Variants in RNF38 observed in about 807,000 individuals in gnomAD.
The protein encoded by RNF38 is ring finger protein 38.
RNF38 carries 15 observed loss-of-function variants against 67.2 expected under a neutral mutation model. That is an observed-to-expected ratio of 0.22 (90% CI 0.15 to 0.34). The LOEUF is 0.34. Ranked by LOEUF, RNF38 falls within the 10% of genes least tolerant of loss-of-function variation. The probability of loss-of-function intolerance (pLI) is 1.00; values close to 1 mark genes in which losing one functional copy is unlikely to be tolerated. For missense variants in RNF38, 524 were observed against 639.9 expected (o/e 0.82, Z 1.95); for synonymous variants, 220 against 218.8 (o/e 1.01, Z -0.05).
chr9:36,453,688 C>T (rs1191838704), intron 1 of RNF38, among the ~76,000 whole-genome samples: 1 of 152,006 alleles, frequency 6.6e-6, no homozygotes, highest in African/African-American at 2.4e-5. Flanking sequence ...CGCCACTGAG[C>T]TAAGTTTTAA....
chr9:36,426,505 T>G (rs1206757010), intron 1 of RNF38, among the ~76,000 whole-genome samples: 2 of 152,214 alleles, frequency 1.3e-5, no homozygotes, highest in East Asian at 3.8e-4. Context: ...ATCCATTCCT[T>G]TCTATGGCTA....
intron 2 of RNF38, among the ~76,000 whole-genome samples, chr9:36,381,531 C>T (rs1836212983): frequency 6.6e-6 from 1 of 152,170 alleles, no homozygotes; most frequent in Non-Finnish European, 1.5e-5. Context: ...AAGGCCAAGC[C>T]AGACAAGGGT....
chr9:36,450,474 T>C (rs1466269134), intron 1 of RNF38, among the ~76,000 whole-genome samples: 1 of 152,162 alleles, frequency 6.6e-6, no homozygotes, highest in Admixed American at 6.5e-5. Context: ...ATGTTTTAAT[T>C]TCCCTCTAAA....
chr9:36,376,198 G>A (rs1835773558), intron 2 of RNF38, 71 bp from the exon 3 acceptor site: 6 of 1,116,092 alleles, frequency 5.4e-6, no homozygotes, highest in Non-Finnish European at 7.5e-6. Flanking sequence ...ATATGCACAG[G>A]TGTTAGGATG....
intron 1 of RNF38, among the ~76,000 whole-genome samples, chr9:36,451,951 T>C (rs946052230): frequency 6.6e-6 from 1 of 152,124 alleles, no homozygotes; most frequent in Non-Finnish European, 1.5e-5. Context: ...GCGCGGTGGC[T>C]CACCCCTGTA....
At chr9:36,373,119 A>G (rs1387150265) in intron 3 of RNF38, among the ~76,000 whole-genome samples, 1 of 152,162 alleles carries the variant, frequency 6.6e-6, no homozygotes, top group East Asian at 1.9e-4. Context: ...AAGCAGGAGA[A>G]TCACTTGAAT....
chr9:36,421,910 C>G (rs1442378994), intron 2 of RNF38, among the ~76,000 whole-genome samples: 1 of 151,798 alleles, frequency 6.6e-6, no homozygotes, highest in Non-Finnish European at 1.5e-5. Context: ...ACTCTCCTCC[C>G]CAGAATAACA....
intron 4 of RNF38, among the ~76,000 whole-genome samples, chr9:36,367,120 T>C (rs201485401): frequency 5.9e-5 from 9 of 152,174 alleles, no homozygotes; most frequent in African/African-American, 2.2e-4. Flanking sequence ...ACTCCTTAAA[T>C]AGTCCTTGAT....
rs201821612 is a variant in RNF38, at chr9:36,414,286, G to A, written n.312+10327C>T. The stretch of plus-strand genomic sequence containing the variant: ...AGCTACTATTCTATTCATCGTTCTC[G>A]CTGCTGCCTGAATATCTTGGTATTT... On this transcript the variant is annotated intron_variant and non_coding_transcript_variant, in intron 2 of 3. Coordinates refer to the RNF38 transcript ENST00000488058. 1.1e-4 allele frequency among the ~76,000 whole-genome samples: 17 copies of A among 152,186 alleles called. No individual in the cohort carries two copies. The South Asian group carries it at 2.1e-3, about 19-fold the overall frequency.
In RNF38 at chr9:36,474,233, A is replaced by T. The variant is rs528983602; in HGVS notation, n.241+13075T>A. ...GAGGCTAAGGCAGGAGAATGGCGAG[A>T]ACCTGGGAGGCGGAGCTTGCAGTGA... On this transcript the variant is annotated intron_variant and non_coding_transcript_variant, in intron 1 of 3. Transcript: ENST00000488058. Among the ~76,000 whole-genome samples the T allele has an allele frequency of 2.9e-3, 441 of 150,806 alleles. 2 individuals carry two copies. The highest frequency in any genetic ancestry group is 3.4e-3 in the South Asian group (16 of 4,736).
chr9:36,464,565 C>T (rs1229932564), intron 1 of RNF38, among the ~76,000 whole-genome samples: 3 of 146,696 alleles, frequency 2.0e-5, no homozygotes, highest in Non-Finnish European at 4.4e-5. Flanking sequence ...AGTGAGACTC[C>T]GTCTCAAAAA....
At chr9:36,462,822 GCAC>G (rs1839765733) in intron 1 of RNF38, among the ~76,000 whole-genome samples, 1 of 151,818 alleles carries the variant, frequency 6.6e-6, no homozygotes, top group Non-Finnish European at 1.5e-5. Flanking sequence ...CTACAGGCGG[GCAC>G]CACCACACCT....
chr9:36,351,286 AG>A, intron 8 of RNF38, 87 bp from the exon 9 acceptor site: 1 of 818,652 alleles, frequency 1.2e-6, no homozygotes, highest in South Asian at 1.7e-5. Context: ...CAGTGCTATA[AG>A]GATGAAGAAT....
chr9:36,365,910 C>A (rs542764568), intron 4 of RNF38, among the ~76,000 whole-genome samples: 1 of 152,118 alleles, frequency 6.6e-6, no homozygotes, highest in African/African-American at 2.4e-5. Flanking sequence ...GTGATCCACC[C>A]GCCTTCGGCC....
At chr9:36,476,843 A>G (rs1054091454) in intron 1 of RNF38, among the ~76,000 whole-genome samples, 3 of 152,080 alleles carry the variant, frequency 2.0e-5, no homozygotes, top group Non-Finnish European at 4.4e-5. Context: ...GCTGGCGGGT[A>G]AGAATAAAGG....
Position 36,417,297 on chromosome 9 carries a change from T to C in RNF38, n.312+7316A>G, listed in dbSNP as rs534388030. On this transcript the variant is annotated intron_variant and non_coding_transcript_variant, in intron 2 of 3. Coordinates refer to the RNF38 transcript ENST00000488058. ...GAATAATTTCGGTTTTACTGTTATG[T>C]TCCTGCGGTAGTTCTTGAAGCAAAA... is the stretch of plus-strand genomic sequence containing the variant. 2.6e-5 allele frequency among the ~76,000 whole-genome samples: 4 copies of C among 152,298 alleles called. No homozygotes were observed. The East Asian group carries it at 7.7e-4, about 29-fold the overall frequency.
intron 2 of RNF38, among the ~76,000 whole-genome samples, chr9:36,378,302 G>A (rs1360497442): frequency 1.3e-5 from 2 of 149,950 alleles, no homozygotes; most frequent in African/African-American, 2.5e-5. Flanking sequence ...TCAGCCACCC[G>A]AGTAGGTGGG....
intron 1 of RNF38, among the ~76,000 whole-genome samples, chr9:36,452,931 C>T (rs1030377374): frequency 8.5e-5 from 13 of 152,186 alleles, no homozygotes; most frequent in African/African-American, 3.1e-4. Context: ...TTCTGTTTTT[C>T]AGCTATAATG....
chr9:36,391,890 G>A (rs1380764861), intron 1 of RNF38, among the ~76,000 whole-genome samples: 2 of 152,200 alleles, frequency 1.3e-5, no homozygotes, highest in Non-Finnish European at 1.5e-5. Context: ...TGGGATTACA[G>A]GCGTGAGCCA....
Sources: gnomAD v4.1 joint callset for allele counts (sites outside exome capture counted in the v4.1 genomes callset) on GRCh38, gnomAD v4.1.1 for gene constraint, MANE v1.5 for transcripts, NCBI Gene and HGNC (gene_info 2026-07-23, HGNC 2026-07-21) for gene names.